Variants in MICAL2 observed in about 807,000 individuals in gnomAD.
MICAL2 encodes the protein [F-actin]-monooxygenase MICAL2.
MICAL2 carries 77 observed loss-of-function variants against 127.3 expected under a neutral mutation model. The observed-to-expected ratio is 0.60, with a 90% confidence interval of 0.50 to 0.73. The LOEUF (loss-of-function observed/expected upper bound fraction) is 0.73. Ranked by LOEUF, MICAL2 falls within the 30% of genes least tolerant of loss-of-function variation. The probability of loss-of-function intolerance (pLI) is 0.00; values close to 1 mark genes in which losing one functional copy is unlikely to be tolerated. For missense variants in MICAL2, 1,351 were observed against 1,434.4 expected (o/e 0.94, Z 0.94); for synonymous variants, 570 against 551.1 (o/e 1.03, Z -0.48).
chr11:12,289,208 C>T (rs377684587), downstream of MICAL2, among the ~76,000 whole-genome samples: 3 of 152,244 alleles, frequency 2.0e-5, no homozygotes, highest in East Asian at 5.8e-4. Flanking sequence ...GAAACTCAGG[C>T]GCTGGTGTGC....
intron 1 of MICAL2, among the ~76,000 whole-genome samples, chr11:12,122,448 G>A (rs549693479): frequency 9.9e-5 from 15 of 152,272 alleles, no homozygotes; most frequent in South Asian, 6.2e-4. Flanking sequence ...GTCTCACTCC[G>A]TCACCCAGGC....
chr11:12,122,167 G>C (rs1055574745), intron 1 of MICAL2, among the ~76,000 whole-genome samples: 1 of 152,236 alleles, frequency 6.6e-6, no homozygotes, highest in Non-Finnish European at 1.5e-5. Flanking sequence ...CCTTGGGTTT[G>C]TTCTCTGTAA....
downstream of MICAL2, among the ~76,000 whole-genome samples, chr11:12,293,045 C>T (rs74913779): frequency 0.023 from 3,460 of 152,362 alleles, 83 homozygotes; most frequent in East Asian, 0.14. Flanking sequence ...GCCACCACAG[C>T]TTCAGCCCAG....
chr11:12,199,537 C>T (rs1860395805), intron 3 of MICAL2, among the ~76,000 whole-genome samples: 1 of 152,222 alleles, frequency 6.6e-6, no homozygotes, highest in Admixed American at 6.5e-5. Context: ...GCATCTCCCT[C>T]TGGGGACTGA....
intron 2 of MICAL2, among the ~76,000 whole-genome samples, chr11:12,143,272 A>C (rs1852528761): frequency 6.6e-6 from 1 of 152,200 alleles, no homozygotes; most frequent in South Asian, 2.1e-4. Context: ...AAGGAGGAGT[A>C]GTGGGCATGC....
chr11:12,321,266 T>A (rs1258603517), intron 30 of MICAL2, among the ~76,000 whole-genome samples: 7 of 152,152 alleles, frequency 4.6e-5, no homozygotes, highest in Non-Finnish European at 1.0e-4. Flanking sequence ...CAAGAAGATT[T>A]CTTTTTTCCA....
At chr11:12,169,039 TA>T (rs1302184084) in intron 3 of MICAL2, among the ~76,000 whole-genome samples, 2 of 150,708 alleles carry the variant, frequency 1.3e-5, no homozygotes, top group Non-Finnish European at 1.5e-5. Flanking sequence ...CAAGCTAATT[TA>T]AAAAAAAAGG....
chr11:12,189,454 A>G (rs1247659911), intron 3 of MICAL2, among the ~76,000 whole-genome samples: 1 of 152,226 alleles, frequency 6.6e-6, no homozygotes, highest in African/African-American at 2.4e-5. Context: ...TAAATAAATG[A>G]TAGATATCCT....
chr11:12,319,607 G>A, intron 29 of MICAL2: 2 of 929,182 alleles, frequency 2.2e-6, no homozygotes, highest in Admixed American at 1.8e-5. Flanking sequence ...GGGAATGAGA[G>A]TAAGTGGGGG....
intron 29 of MICAL2, among the ~76,000 whole-genome samples, chr11:12,301,799 T>A (rs1163788617): frequency 6.6e-6 from 1 of 152,166 alleles, no homozygotes; most frequent in African/African-American, 2.4e-5. Flanking sequence ...AATTCTGTCT[T>A]TCCACAGAGA....
At chr11:12,323,950 T>A (rs369241387) in intron 30 of MICAL2, 222 of 1,586,556 alleles carry the variant, frequency 1.4e-4, no homozygotes, top group Admixed American at 8.1e-4. Flanking sequence ...TTCTCTGACA[T>A]AATTTTTTTC....
chr11:12,223,438 C>T lies in MICAL2; in HGVS notation c.1477C>T (p.Leu493=), dbSNP rs1857057459. The change falls in exon 12 of 28, where the codon CTG becomes TTG. Residue 493 remains leucine, a synonymous_variant. Coordinates refer to ENST00000683283, the MANE Select transcript of MICAL2 (RefSeq NM_001282663.2). ...QVKHLYITKE[L]EHYPLERLGS... ...GAAGCATTTGTATATCACTAAGGAG[C>T]TGGAGCACTACCCTCTCGAGAGACT... The T allele has an allele frequency of 2.5e-6, 4 of 1,613,936 alleles. No individual in the cohort carries two copies. In the Admixed American group the frequency reaches 5.0e-5, roughly 20 times the overall value.
In MICAL2 at chr11:12,239,561, T is replaced by A. The variant is rs764057524; in HGVS notation, c.2190T>A (p.Thr730=). The change falls in exon 17 of 28, where the codon ACT becomes ACA. Residue 730 remains threonine, a synonymous_variant. Coordinates refer to ENST00000683283, the MANE Select transcript of MICAL2 (RefSeq NM_001282663.2). ...NQLLAKFEES[T]RNPSLMKQER... is the part of the protein sequence containing the mutation. ...TGCTGGCCAAGTTTGAGGAGAGCAC[T>A]CGGAACCCCTCACTCATGAAGCAGG... 3.1e-6 allele frequency: 5 copies of A among 1,614,074 alleles called. No homozygotes were observed. The African/African-American group carries it at 6.7e-5, about 22-fold the overall frequency.
chr11:12,264,447 T>C (rs1448589977), downstream of MICAL2, among the ~76,000 whole-genome samples: 1 of 152,142 alleles, frequency 6.6e-6, no homozygotes, highest in Non-Finnish European at 1.5e-5. Flanking sequence ...CTCCAGGCTG[T>C]GTTTAAGGGA....
intron 32 of MICAL2, among the ~76,000 whole-genome samples, chr11:12,335,725 T>G (rs1358899938): frequency 3.9e-5 from 6 of 152,300 alleles, no homozygotes; most frequent in Admixed American, 2.0e-4. Context: ...TTTCCCCATT[T>G]CTTGTTTTTG....
At chr11:12,255,779 C>A (rs1487940919) in intron 23 of MICAL2, 29 bp downstream of exon 23, 2 of 1,576,116 alleles carry the variant, frequency 1.3e-6, no homozygotes, top group Non-Finnish European at 1.7e-6. Context: ...AGCCTTCACC[C>A]ACAGACACTG....
intron 15 of MICAL2, among the ~76,000 whole-genome samples, chr11:12,234,636 T>A (rs1274008229): frequency 6.6e-6 from 1 of 152,192 alleles, no homozygotes; most frequent in Non-Finnish European, 1.5e-5. Flanking sequence ...TGAACAAATA[T>A]CAATGGACTA....
intron 1 of MICAL2, among the ~76,000 whole-genome samples, chr11:12,119,313 G>A (rs1183553876): frequency 6.6e-6 from 1 of 152,172 alleles, no homozygotes. Context: ...AGAGGAGAGA[G>A]GCTATTTTTA....
chr11:12,176,080 A>G (rs1003339614), intron 3 of MICAL2, among the ~76,000 whole-genome samples: 2 of 152,202 alleles, frequency 1.3e-5, no homozygotes, highest in Non-Finnish European at 2.9e-5. Flanking sequence ...GTGAGTCACG[A>G]CCATCTCAGG....
Sources: allele counts gnomAD v4.1 joint callset (sites outside exome capture counted in the v4.1 genomes callset), GRCh38; gene constraint gnomAD v4.1.1; transcripts MANE v1.5; gene names NCBI Gene and HGNC (gene_info 2026-07-23, HGNC 2026-07-21).